Variants in RBFOX1 observed in about 807,000 individuals in gnomAD.
The protein encoded by RBFOX1 is RNA binding protein fox-1 homolog 1.
Under a neutral mutation model 57.7 loss-of-function variants are expected in RBFOX1, and 8 were observed. That is an observed-to-expected ratio of 0.14 (90% CI 0.08 to 0.25). The LOEUF is 0.25. RBFOX1 is among the 10% of genes least tolerant of loss of function. The pLI, the probability that RBFOX1 is intolerant of heterozygous loss-of-function variation, is 1.00. For missense variants in RBFOX1, 611 were observed against 548.5 expected (o/e 1.11, Z -1.14); for synonymous variants, 326 against 222.4 (o/e 1.47, Z -4.15).
intron 2 of RBFOX1, among the ~76,000 whole-genome samples, chr16:6,611,366 C>T (rs1485916330): frequency 6.6e-6 from 1 of 152,302 alleles, no homozygotes; most frequent in Non-Finnish European, 1.5e-5. Flanking sequence ...AGGCTGATCT[C>T]AAACTCCTGA....
chr16:6,863,825 G>A (rs1365773652), intron 3 of RBFOX1, among the ~76,000 whole-genome samples: 2 of 145,758 alleles, frequency 1.4e-5, no homozygotes, highest in African/African-American at 2.6e-5. Flanking sequence ...GCTATGAAAG[G>A]AGCCAAATCA....
intron 3 of RBFOX1, among the ~76,000 whole-genome samples, chr16:5,657,737 C>A (rs2079738): frequency 8.7e-6 from 1 of 115,336 alleles, no homozygotes; most frequent in East Asian, 2.6e-4. Flanking sequence ...CTTTTCTTTT[C>A]TTTTTTTTTT....
intron 4 of RBFOX1, among the ~76,000 whole-genome samples, chr16:7,462,764 C>T (rs2059809621): frequency 6.6e-6 from 1 of 152,218 alleles, no homozygotes; most frequent in Non-Finnish European, 1.5e-5. Flanking sequence ...TAGCCCTGGC[C>T]TTCAGAAGCT....
intron 3 of RBFOX1, among the ~76,000 whole-genome samples, chr16:7,039,062 C>G (rs138495123): frequency 1.8e-4 from 28 of 151,912 alleles, no homozygotes; most frequent in Admixed American, 5.9e-4. Flanking sequence ...GAAGTGCTCA[C>G]TAAATGTGTT....
rs956724768 is a variant in RBFOX1 at position 6,849,662 on chromosome 16, C to G, written c.-16+195012C>G. ...GCAGCCTGGGCAAGAAAGCAAGACT[C>G]CATCTCAAAAAAACAAAACAAAATA... On this transcript the variant is annotated intron_variant, in intron 3 of 15. Coordinates refer to ENST00000550418, the MANE Select transcript of RBFOX1 (RefSeq NM_018723.4). Among the ~76,000 whole-genome samples, 6 of 152,072 alleles carry G rather than the reference C, an allele frequency of 3.9e-5. No homozygotes were observed. In the East Asian group the frequency reaches 9.6e-4, roughly 24 times the overall value.
chr16:7,374,562 CA>C (rs1490282795), intron 4 of RBFOX1, among the ~76,000 whole-genome samples: 1 of 152,122 alleles, frequency 6.6e-6, no homozygotes. Context: ...ATCCTAACCC[CA>C]CCCCCACATT....
intron 3 of RBFOX1, among the ~76,000 whole-genome samples, chr16:6,711,570 GTC>G (rs1253704952): frequency 6.6e-6 from 1 of 152,170 alleles, no homozygotes; most frequent in Admixed American, 6.6e-5. Context: ...CTCACTCTCT[GTC>G]TCTCCTGACA....
chr16:7,519,131 C>T (rs1441638561), intron 5 of RBFOX1, among the ~76,000 whole-genome samples: 2 of 152,122 alleles, frequency 1.3e-5, no homozygotes, highest in Non-Finnish European at 2.9e-5. Context: ...CGGAGTTGTG[C>T]GATGATTGCC....
At chr16:6,261,295 T>C (rs920863545) in intron 1 of RBFOX1, among the ~76,000 whole-genome samples, 2 of 152,218 alleles carry the variant, frequency 1.3e-5, no homozygotes, top group Non-Finnish European at 2.9e-5. Flanking sequence ...AAAATCAGTG[T>C]CTTTGAGTCC....
At chr16:6,994,772 T>A (rs547862783) in intron 3 of RBFOX1, among the ~76,000 whole-genome samples, 19 of 152,308 alleles carry the variant, frequency 1.2e-4, no homozygotes, top group Non-Finnish European at 2.5e-4. Flanking sequence ...GCTTGAAACA[T>A]TTATATATGT....
intron 3 of RBFOX1, among the ~76,000 whole-genome samples, chr16:5,828,163 C>T (rs959461628): frequency 2.0e-5 from 3 of 151,958 alleles, no homozygotes; most frequent in African/African-American, 4.8e-5. Context: ...TCTATCCATC[C>T]CTGCATCCAA....
intron 4 of RBFOX1, among the ~76,000 whole-genome samples, chr16:7,233,639 C>A (rs1215184893): frequency 6.6e-6 from 1 of 152,158 alleles, no homozygotes; most frequent in Non-Finnish European, 1.5e-5. Flanking sequence ...CCGATTGTTT[C>A]CCTGGATGCT....
chr16:6,390,270 T>C (rs887690355), intron 2 of RBFOX1, among the ~76,000 whole-genome samples: 1 of 152,214 alleles, frequency 6.6e-6, no homozygotes, highest in African/African-American at 2.4e-5. Flanking sequence ...GCCATTCTGA[T>C]TATTTTCTGG....
intron 3 of RBFOX1, among the ~76,000 whole-genome samples, chr16:6,832,664 G>A (rs1480350027): frequency 6.6e-6 from 1 of 152,094 alleles, no homozygotes; most frequent in Non-Finnish European, 1.5e-5. Context: ...GTGCACTTCA[G>A]TAATTACTTT....
chr16:6,491,234 TTTAA>T (rs985746439), intron 2 of RBFOX1, among the ~76,000 whole-genome samples: 2 of 151,154 alleles, frequency 1.3e-5, no homozygotes, highest in Non-Finnish European at 2.9e-5. Flanking sequence ...ATATATATAG[TTTAA>T]TTGATGAAAG....
chr16:5,944,765 C>A (rs1398112823), intron 4 of RBFOX1, among the ~76,000 whole-genome samples: 1 of 105,538 alleles, frequency 9.5e-6, no homozygotes, highest in African/African-American at 4.3e-5. Context: ...CCATCCTGGC[C>A]AACTTGGTGA....
chr16:5,958,681 A>C (rs890548454), intron 4 of RBFOX1, among the ~76,000 whole-genome samples: 1 of 152,228 alleles, frequency 6.6e-6, no homozygotes, highest in Admixed American at 6.5e-5. Flanking sequence ...CTGGACGTCA[A>C]AAGTCTAAAT....
intron 2 of RBFOX1, among the ~76,000 whole-genome samples, chr16:6,426,483 A>C (rs2093932037): frequency 6.6e-6 from 1 of 152,188 alleles, no homozygotes; most frequent in South Asian, 2.1e-4. Flanking sequence ...GGACTAAAAT[A>C]GGCCTGGTGT....
chr16:7,005,019 C>G (rs914309567), intron 3 of RBFOX1, among the ~76,000 whole-genome samples: 8 of 152,162 alleles, frequency 5.3e-5, no homozygotes, highest in African/African-American at 1.9e-4. Context: ...TGGTGCGTGC[C>G]TGTTATCCCA....
Sources: allele counts gnomAD v4.1 joint callset (sites outside exome capture counted in the v4.1 genomes callset), GRCh38; gene constraint gnomAD v4.1.1; transcripts MANE v1.5; gene names NCBI Gene and HGNC (gene_info 2026-07-23, HGNC 2026-07-21).